Variants in SLC35D1 observed in about 807,000 individuals in gnomAD.
The protein encoded by SLC35D1 is solute carrier family 35 member D1.
A neutral mutation model predicts 46.7 loss-of-function variants in SLC35D1; 31 were observed. The observed-to-expected ratio is 0.66, with a 90% CI of 0.50 to 0.90. The LOEUF (loss-of-function observed/expected upper bound fraction) is 0.90, where lower values mean the gene tolerates loss of function less well. SLC35D1 is among the 40% of genes least tolerant of loss of function. The pLI is 0.00. For missense variants in SLC35D1, 397 were observed against 426.2 expected (o/e 0.93, Z 0.60); for synonymous variants, 195 against 164.6 (o/e 1.18, Z -1.41).
intron 10 of SLC35D1, 95 bp from the exon 11 acceptor site, chr1:67,009,262 A>G (rs1443364275): frequency 6.4e-6 from 3 of 465,604 alleles, no homozygotes; most frequent in Non-Finnish European, 1.2e-5. Flanking sequence ...TTAAAATACA[A>G]AAACAAATAA....
Position 67,000,704 on chromosome 1 carries a change from T to A in SLC35D1, c.*3636A>T, listed in dbSNP as rs1414584250. The A allele has an allele frequency of 2.6e-5, 4 of 152,222 alleles. No homozygotes were observed. Among genetic ancestry groups the A allele is most frequent in the East Asian group, 1.9e-4 (1 of 5,254 alleles). 9.4% of individuals were successfully genotyped at this position (152,222 alleles called of 1,614,324 possible). A position where few individuals can be genotyped will look rare whatever the true frequency, so the allele number is the denominator to read the frequency against. On this transcript the variant is annotated 3_prime_UTR_variant, in exon 12 of 12. Transcript: ENST00000235345. Reference sequence around the variant, plus strand: ...TATCCATGTCTCATTTATTCCGAACTTTTTTCCTCAGGGAGAGAAAAATCA... The same window carrying A: ...TATCCATGTCTCATTTATTCCGAACATTTTTCCTCAGGGAGAGAAAAATCA...
chr1:67,031,245 T>C lies in SLC35D1; in HGVS notation c.730-9643A>G, dbSNP rs535669484. Reference sequence around the variant, plus strand: ...CCTGTCTCTGGAGAAAGTCAGTCTATGGCACAAGCACGCTGTTGCATTCCT... The same window carrying C: ...CCTGTCTCTGGAGAAAGTCAGTCTACGGCACAAGCACGCTGTTGCATTCCT... On this transcript the variant is annotated intron_variant, in intron 8 of 11. Transcript: ENST00000235345. 6.6e-4 allele frequency among the ~76,000 whole-genome samples: 101 copies of C among 152,248 alleles called. No individual in the cohort carries two copies. The South Asian group carries it at 0.02, about 30-fold the overall frequency.
chr1:66,997,021 C>A (rs937473806), downstream of SLC35D1, among the ~76,000 whole-genome samples: 9 of 152,026 alleles, frequency 5.9e-5, no homozygotes, highest in South Asian at 8.3e-4. Flanking sequence ...AAATTTAAGA[C>A]GTAAAATTAT....
At chr1:66,981,877 C>CTT in the SLC35D1 span, 1 of 1,614,052 alleles carries the variant, frequency 6.2e-7, no homozygotes, top group Non-Finnish European at 8.5e-7. Flanking sequence ...AACAGCCAGT[C>CTT]TGAGAAAGAA....
At chr1:67,018,375 A>G (rs139745427) in intron 10 of SLC35D1, among the ~76,000 whole-genome samples, 16 of 152,322 alleles carry the variant, frequency 1.1e-4, no homozygotes, top group African/African-American at 3.8e-4. Context: ...GTGACAGAGA[A>G]TCCAACCCAT....
At chr1:67,043,100 C>T (rs890143135) in intron 7 of SLC35D1, among the ~76,000 whole-genome samples, 12 of 151,552 alleles carry the variant, frequency 7.9e-5, no homozygotes, top group Non-Finnish European at 1.2e-4. Context: ...GAGGCTGAGG[C>T]GGGAGAATCG....
downstream of SLC35D1, chr1:66,999,303 A>G (rs1465001594): frequency 6.6e-6 from 1 of 152,366 alleles, no homozygotes; most frequent in African/African-American, 2.4e-5. Context: ...ACAGGATGCC[A>G]ACCTCTAAAA....
chr1:66,993,341 G>T, the SLC35D1 span, among the ~76,000 whole-genome samples: 3 of 152,248 alleles, frequency 2.0e-5, no homozygotes, highest in South Asian at 6.2e-4. Flanking sequence ...GCCTTCAAAG[G>T]ACACCTTAGA....
Position 67,028,259 on chromosome 1 carries a change from T to C in SLC35D1, c.730-6657A>G, listed in dbSNP as rs111504609. ...AAGACTCATTTTATGGCCCAGAATA[T>C]AGTTTATCTTGGTATATACCCAATG... On this transcript the variant is annotated intron_variant, in intron 8 of 11. Transcript: ENST00000235345. Among the ~76,000 whole-genome samples, 349 of 152,306 alleles carry C rather than the reference T, an allele frequency of 2.3e-3. 6 individuals are homozygous for C. The highest frequency in any genetic ancestry group is 7.9e-3 in the African/African-American group (329 of 41,568).
At chr1:67,008,752 TCCA>T (rs1667502710) in intron 11 of SLC35D1, among the ~76,000 whole-genome samples, 1 of 152,080 alleles carries the variant, frequency 6.6e-6, no homozygotes, top group South Asian at 2.1e-4. Flanking sequence ...AGTCCTAATG[TCCA>T]CCACCACGCC....
the SLC35D1 span, among the ~76,000 whole-genome samples, chr1:66,977,815 CAAAATAA>C: frequency 3.3e-5 from 5 of 151,578 alleles, no homozygotes; most frequent in South Asian, 4.2e-4. Flanking sequence ...AAAAATAATG[CAAAATAA>C]AAAATAAAAA....
rs964979038 is a variant in SLC35D1, at chr1:67,000,506, A to G, written c.*3834T>C. On this transcript the variant is annotated 3_prime_UTR_variant, in exon 12 of 12. Coordinates refer to ENST00000235345, the MANE Select transcript of SLC35D1 (RefSeq NM_015139.3). ...CTGCTACCTAAGGATTCTAGAGGCA[A>G]TGAGACACAGAGTCCTGTTTTTCAG... The G allele has an allele frequency of 2.4e-4, 37 of 152,294 alleles. No homozygotes were observed. The highest frequency in any genetic ancestry group is 8.7e-4 in the African/African-American group (36 of 41,422). The allele number at this position is 152,294 out of a possible 1,614,324, so 9.4% of individuals were successfully genotyped here.
At chr1:66,990,659 A>G in the SLC35D1 span, among the ~76,000 whole-genome samples, 4 of 152,114 alleles carry the variant, frequency 2.6e-5, no homozygotes, top group African/African-American at 9.7e-5. Context: ...TTTGAAAACA[A>G]TGATACCAGT....
At chr1:67,041,798 G>A (rs1645188377) in intron 8 of SLC35D1, among the ~76,000 whole-genome samples, 1 of 152,056 alleles carries the variant, frequency 6.6e-6, no homozygotes, top group Non-Finnish European at 1.5e-5. Context: ...AAACAAGTTG[G>A]GAGTTAAACC....
At chr1:67,027,151 C>T (rs1165505353) in intron 8 of SLC35D1, among the ~76,000 whole-genome samples, 1 of 152,072 alleles carries the variant, frequency 6.6e-6, no homozygotes, top group Non-Finnish European at 1.5e-5. Flanking sequence ...TCTATTTTGT[C>T]TCAGTTGTCA....
At chr1:67,017,833 G>A (rs1018440500) in intron 10 of SLC35D1, among the ~76,000 whole-genome samples, 16 of 152,092 alleles carry the variant, frequency 1.1e-4, no homozygotes, top group Non-Finnish European at 1.9e-4. Flanking sequence ...TTAGGACTAT[G>A]ACTAAAAAAG....
rs71058490 is a variant in SLC35D1, at chr1:67,000,108, G to GA, written c.*4231dup. On this transcript the variant is annotated 3_prime_UTR_variant, in exon 12 of 12. Coordinates refer to ENST00000235345, the MANE Select transcript of SLC35D1 (RefSeq NM_015139.3). ...ACAGAGTGAGACCCTGTCTTTACCA[G>GA]AAAAAAAAAAAAAAAGGAAGAAACG... 0.23 allele frequency: 28,990 copies of GA among 123,730 alleles called. 3,287 individuals are homozygous for GA. The highest frequency in any genetic ancestry group is 0.29 in the Non-Finnish European group (16,559 of 56,522). The allele number at this position is 123,730 out of a possible 1,614,324, so 7.7% of individuals were successfully genotyped here.
At chr1:67,041,867 G>T (rs191928978) in intron 8 of SLC35D1, among the ~76,000 whole-genome samples, 20 of 152,106 alleles carry the variant, frequency 1.3e-4, no homozygotes, top group Admixed American at 1.2e-3. Context: ...ATTTTGTTTA[G>T]GATTTGGAGA....
intron 8 of SLC35D1, among the ~76,000 whole-genome samples, chr1:67,029,647 G>A (rs1667979131): frequency 6.6e-6 from 1 of 152,158 alleles, no homozygotes; most frequent in Admixed American, 6.5e-5. Context: ...TCTACACACA[G>A]ATGAGGTGAA....
Sources: gnomAD v4.1 joint callset for allele counts (sites outside exome capture counted in the v4.1 genomes callset) on GRCh38, gnomAD v4.1.1 for gene constraint, MANE v1.5 for transcripts, NCBI Gene and HGNC (gene_info 2026-07-23, HGNC 2026-07-21) for gene names.